Variants in CDH13 observed in about 807,000 individuals in gnomAD.
The protein encoded by CDH13 is cadherin 13, also known as cadherin-13.
In CDH13, 24 loss-of-function variants were observed where a neutral mutation model predicts 63.8. That is an observed-to-expected ratio of 0.38 (90% CI 0.27 to 0.53). CDH13 has a LOEUF of 0.53. CDH13 is among the 20% of genes least tolerant of loss of function. CDH13 has a pLI of 0.85. For synonymous variants in CDH13, 503 were observed against 355.3 expected, an observed-to-expected ratio of 1.42 and a Z score of -4.67; for missense variants, 1,049 against 903.1, an observed-to-expected ratio of 1.16 and a Z score of -2.07.
chr16:83,495,882 C>G (rs9924760), intron 7 of CDH13, among the ~76,000 whole-genome samples: 41,786 of 151,868 alleles, frequency 0.28, 6,024 homozygotes, highest in African/African-American at 0.37. Context: ...AACAGAGAGC[C>G]AAATCATGAG....
intron 10 of CDH13, among the ~76,000 whole-genome samples, chr16:83,702,055 A>G (rs1233839986): frequency 6.6e-6 from 1 of 152,230 alleles, no homozygotes; most frequent in Non-Finnish European, 1.5e-5. Flanking sequence ...TGGAACATAG[A>G]AAGAACCCAA....
intron 2 of CDH13, among the ~76,000 whole-genome samples, chr16:82,895,107 G>A (rs929149651): frequency 5.9e-5 from 9 of 152,134 alleles, no homozygotes; most frequent in African/African-American, 2.2e-4. Flanking sequence ...GTGGCATTTA[G>A]CGTATTTGCA....
chr16:83,332,482 A>G (rs1414688633), intron 5 of CDH13, among the ~76,000 whole-genome samples: 5 of 152,220 alleles, frequency 3.3e-5, no homozygotes, highest in Non-Finnish European at 7.3e-5. Context: ...AAAAAAAGGT[A>G]TTGCATTTAT....
At chr16:82,904,153 T>A (rs762546533) in intron 2 of CDH13, among the ~76,000 whole-genome samples, 2 of 152,198 alleles carry the variant, frequency 1.3e-5, no homozygotes, top group Non-Finnish European at 2.9e-5. Flanking sequence ...CACCTGTATA[T>A]AACTTGGCAT....
chr16:82,909,664 C>T (rs545623850), intron 2 of CDH13, among the ~76,000 whole-genome samples: 1 of 152,114 alleles, frequency 6.6e-6, no homozygotes, highest in African/African-American at 2.4e-5. Flanking sequence ...GTAAAACCAC[C>T]GGATCTCATG....
At chr16:83,039,549 A>G (rs1045103480) in intron 3 of CDH13, among the ~76,000 whole-genome samples, 3 of 152,022 alleles carry the variant, frequency 2.0e-5, no homozygotes, top group Non-Finnish European at 4.4e-5. Context: ...CAGGTGTTTA[A>G]TGTCCGCCTT....
chr16:82,967,493 A>G (rs8064211), intron 2 of CDH13, among the ~76,000 whole-genome samples: 69,260 of 152,020 alleles, frequency 0.46, 16,000 homozygotes, highest in African/African-American at 0.51. Context: ...CCTAAAGCTA[A>G]GTGATTACTC....
At chr16:82,768,287 C>G (rs11642218) in intron 1 of CDH13, among the ~76,000 whole-genome samples, 5 of 152,004 alleles carry the variant, frequency 3.3e-5, no homozygotes, top group African/African-American at 1.2e-4. Flanking sequence ...TGATAGATAC[C>G]TGCTAGTTGA....
rs568834868 is a variant in CDH13 at position 83,507,159 on chromosome 16, A to G, written c.960+20504A>G. On this transcript the variant is annotated intron_variant, in intron 7 of 13. Coordinates refer to ENST00000567109, the MANE Select transcript of CDH13 (RefSeq NM_001257.5). ...GTGGACTTTTTCTGGTCTTCTTTGC[A>G]TGACTCAATCCCTCTTTCTTCATTT... 3.6e-4 allele frequency among the ~76,000 whole-genome samples: 55 copies of G among 152,274 alleles called. No homozygotes were observed. The South Asian group carries it at 0.011, about 31-fold the overall frequency.
At chr16:83,091,538 C>G (rs2033913384) in intron 3 of CDH13, among the ~76,000 whole-genome samples, 1 of 152,164 alleles carries the variant, frequency 6.6e-6, no homozygotes, top group South Asian at 2.1e-4. Flanking sequence ...GGGGAGGGTA[C>G]TGAAATGAGC....
chr16:83,108,743 G>T (rs1000852336), intron 3 of CDH13, among the ~76,000 whole-genome samples: 7 of 152,190 alleles, frequency 4.6e-5, no homozygotes, highest in African/African-American at 1.2e-4. Context: ...AGGCTTTGCA[G>T]TTAGAACACA....
intron 2 of CDH13, among the ~76,000 whole-genome samples, chr16:82,997,933 T>G (rs1912426109): frequency 6.6e-6 from 1 of 152,240 alleles, no homozygotes; most frequent in African/African-American, 2.4e-5. Context: ...GTGCATTTAT[T>G]AAGTCACTCA....
intron 13 of CDH13, among the ~76,000 whole-genome samples, chr16:83,791,915 G>T (rs543963704): frequency 6.6e-6 from 1 of 151,506 alleles, no homozygotes; most frequent in African/African-American, 2.4e-5. Context: ...AAATGCATCC[G>T]TTGCAAGTGT....
At chr16:82,647,851 C>G (rs1910280053) in intron 1 of CDH13, among the ~76,000 whole-genome samples, 1 of 152,170 alleles carries the variant, frequency 6.6e-6, no homozygotes, top group Admixed American at 6.5e-5. Context: ...GGCTGTGTCC[C>G]TGCCCAAATC....
intron 5 of CDH13, among the ~76,000 whole-genome samples, chr16:83,250,056 A>C (rs757170073): frequency 2.0e-5 from 3 of 152,212 alleles, no homozygotes; most frequent in Non-Finnish European, 4.4e-5. Flanking sequence ...GAGTTATCCA[A>C]GACCTTTAGT....
intron 5 of CDH13, among the ~76,000 whole-genome samples, chr16:83,288,165 T>G (rs1440201928): frequency 3.9e-5 from 6 of 152,194 alleles, no homozygotes; most frequent in Non-Finnish European, 8.8e-5. Context: ...ACTGAGTTTT[T>G]TGGTGCCTCC....
At chr16:82,872,042 A>G (rs571555961) in intron 2 of CDH13, among the ~76,000 whole-genome samples, 128 of 152,288 alleles carry the variant, frequency 8.4e-4, no homozygotes, top group Non-Finnish European at 1.4e-3. Flanking sequence ...GGAAATGGAG[A>G]TGAAATTCCC....
intron 1 of CDH13, among the ~76,000 whole-genome samples, chr16:82,817,778 C>G (rs2037796413): frequency 6.6e-6 from 1 of 152,162 alleles, no homozygotes; most frequent in Admixed American, 6.5e-5. Flanking sequence ...GCACTTCAGC[C>G]TGGGCCACAG....
chr16:83,736,467 A>G (rs1442063123), intron 10 of CDH13, among the ~76,000 whole-genome samples: 1 of 152,126 alleles, frequency 6.6e-6, no homozygotes, highest in East Asian at 1.9e-4. Context: ...CTTTGTCTGT[A>G]TTTCTCTGTA....
Sources: gnomAD v4.1 joint callset for allele counts (sites outside exome capture counted in the v4.1 genomes callset) on GRCh38, gnomAD v4.1.1 for gene constraint, MANE v1.5 for transcripts, NCBI Gene and HGNC (gene_info 2026-07-23, HGNC 2026-07-21) for gene names.